DIP2C: variants seen among roughly 807,000 people sequenced by gnomAD.
DIP2C encodes DIP2 acetate--CoA ligase C (putative).
In DIP2C, 33 loss-of-function variants were observed where a neutral mutation model predicts 192.4. The observed-to-expected ratio is 0.17, with a 90% confidence interval of 0.13 to 0.23. DIP2C has a LOEUF of 0.23. Among genes scored for constraint, DIP2C ranks in the 10% least tolerant of loss-of-function variants. The pLI is 1.00. For synonymous variants in DIP2C, 979 were observed against 864.1 expected, an observed-to-expected ratio of 1.13 and a Z score of -2.33; for missense variants, 1,537 against 2,110.1, an observed-to-expected ratio of 0.73 and a Z score of 5.32.
chr10:404,583 C>T (rs1323001928), intron 9 of DIP2C, among the ~76,000 whole-genome samples: 1 of 152,174 alleles, frequency 6.6e-6, no homozygotes, highest in Non-Finnish European at 1.5e-5. Context: ...CAGTTTTAGA[C>T]AAACATCCTA....
intron 1 of DIP2C, among the ~76,000 whole-genome samples, chr10:487,362 T>C (rs1425559335): frequency 1.3e-5 from 2 of 152,134 alleles, no homozygotes; most frequent in African/African-American, 4.8e-5. Context: ...TGAAAAGTTA[T>C]CAAGGTACAC....
chr10:491,460 A>C (rs904868851), intron 1 of DIP2C, among the ~76,000 whole-genome samples: 1 of 152,302 alleles, frequency 6.6e-6, no homozygotes. Context: ...CTCGTTTTTA[A>C]ATCTCCGATA....
chr10:574,183 T>A (rs995462070), intron 1 of DIP2C, among the ~76,000 whole-genome samples: 1 of 152,250 alleles, frequency 6.6e-6, no homozygotes, highest in African/African-American at 2.4e-5. Context: ...TTGCTGCTTT[T>A]AGCAATAGGC....
chr10:335,548 T>A (rs1957719174), intron 29 of DIP2C, among the ~76,000 whole-genome samples: 1 of 152,226 alleles, frequency 6.6e-6, no homozygotes, highest in African/African-American at 2.4e-5. Context: ...TTTCCGTGAC[T>A]CTCACGACAC....
chr10:473,595 A>G (rs577809229), intron 2 of DIP2C, among the ~76,000 whole-genome samples: 1 of 151,736 alleles, frequency 6.6e-6, no homozygotes, highest in Non-Finnish European at 1.5e-5. Context: ...GATACCACAG[A>G]AAGGACGTCA....
At chr10:436,708 T>TC (rs1380102307) in intron 4 of DIP2C, among the ~76,000 whole-genome samples, 2 of 129,208 alleles carry the variant, frequency 1.5e-5, no homozygotes, top group Non-Finnish European at 3.2e-5. Context: ...GTGGCCATGC[T>TC]CCACCCACAC....
At chr10:401,975 A>G (rs111969714) in intron 9 of DIP2C, among the ~76,000 whole-genome samples, 372 of 127,348 alleles carry the variant, frequency 2.9e-3, no homozygotes, top group Middle Eastern at 5.8e-3. Flanking sequence ...CTCAGCACAT[A>G]AATCCTGTGA....
intron 17 of DIP2C, among the ~76,000 whole-genome samples, chr10:376,391 G>T (rs980696066): frequency 6.6e-6 from 1 of 152,078 alleles, no homozygotes; most frequent in African/African-American, 2.4e-5. Context: ...TCCCACACAC[G>T]ACGTTCCCTG....
chr10:571,483 C>T (rs1035808157), intron 1 of DIP2C, among the ~76,000 whole-genome samples: 3 of 151,772 alleles, frequency 2.0e-5, no homozygotes, highest in South Asian at 2.1e-4. Context: ...CTCCTTCACT[C>T]CCATTCTCCC....
chr10:368,336 T>C lies in DIP2C; in HGVS notation c.2131+1158A>G, dbSNP rs1960536037. 2.0e-5 allele frequency among the ~76,000 whole-genome samples: 3 copies of C among 152,244 alleles called. No individual in the cohort carries two copies. The South Asian group carries it at 6.2e-4, about 31-fold the overall frequency. Reference sequence around the variant, plus strand: ...TTTCATTGTGTCCTTCAGAACCTTTTGAAGATTTCACCATGCAGTTCCATT... The same window carrying C: ...TTTCATTGTGTCCTTCAGAACCTTTCGAAGATTTCACCATGCAGTTCCATT... On this transcript the variant is annotated intron_variant, in intron 18 of 36. Transcript: ENST00000280886.
chr10:320,495 C>G (rs574874967), intron 31 of DIP2C, among the ~76,000 whole-genome samples: 1 of 137,038 alleles, frequency 7.3e-6, no homozygotes, highest in East Asian at 2.1e-4. Context: ...ATGACAAGAG[C>G]AAGACTCCGT....
chr10:417,900 G>A (rs200349720), intron 6 of DIP2C, among the ~76,000 whole-genome samples: 5 of 63,426 alleles, frequency 7.9e-5, no homozygotes, highest in Non-Finnish European at 9.2e-5. Context: ...GTCAGGGCTC[G>A]GATAGGCCTC....
chr10:309,207 G>T (rs1956466839), intron 32 of DIP2C, among the ~76,000 whole-genome samples: 1 of 151,990 alleles, frequency 6.6e-6, no homozygotes, highest in Non-Finnish European at 1.5e-5. Context: ...GGTCCTCCTT[G>T]GCGGGCAGAG....
intron 1 of DIP2C, among the ~76,000 whole-genome samples, chr10:492,232 G>A (rs1844500110): frequency 6.6e-6 from 1 of 152,186 alleles, no homozygotes; most frequent in Non-Finnish European, 1.5e-5. Context: ...ATGCAAACGT[G>A]GTGAGCCTCT....
At chr10:658,899 T>C (rs755224118) in intron 1 of DIP2C, among the ~76,000 whole-genome samples, 14 of 152,220 alleles carry the variant, frequency 9.2e-5, no homozygotes, top group Non-Finnish European at 1.9e-4. Flanking sequence ...TCCAGGAACA[T>C]GGCCCTCCCA....
intron 1 of DIP2C, among the ~76,000 whole-genome samples, chr10:493,115 G>A (rs1267635057): frequency 6.6e-6 from 1 of 152,216 alleles, no homozygotes; most frequent in Non-Finnish European, 1.5e-5. Context: ...TGGCAAGACT[G>A]GGGGCTCTGC....
chr10:491,432 G>A (rs1342996438), intron 1 of DIP2C, among the ~76,000 whole-genome samples: 1 of 152,230 alleles, frequency 6.6e-6, no homozygotes, highest in Non-Finnish European at 1.5e-5. Context: ...AGGAGGCCCC[G>A]GAAGGCAAGG....
rs1185930986 is a variant in DIP2C at position 547,890 on chromosome 10, A to AC, written c.86-61361dup. 1.4e-3 allele frequency among the ~76,000 whole-genome samples: 209 copies of AC among 151,040 alleles called. 1 individual carries two copies. The highest frequency in any genetic ancestry group is 4.8e-3 in the African/African-American group (198 of 41,068). ...CCACCATCCCTGGGGAGCCCACACC[A>AC]CCCCACCCGCAGCTGCTGATGGCTT... On this transcript the variant is annotated intron_variant, in intron 1 of 36. Coordinates refer to ENST00000280886, the MANE Select transcript of DIP2C (RefSeq NM_014974.3).
intron 6 of DIP2C, among the ~76,000 whole-genome samples, chr10:417,261 C>T (rs1429200889): frequency 6.6e-6 from 1 of 152,098 alleles, no homozygotes; most frequent in African/African-American, 2.4e-5. Flanking sequence ...CCCAGAATCA[C>T]CCTCCCAGCA....
Sources: allele counts gnomAD v4.1 joint callset (sites outside exome capture counted in the v4.1 genomes callset), GRCh38; gene constraint gnomAD v4.1.1; transcripts MANE v1.5; gene names NCBI Gene and HGNC (gene_info 2026-07-23, HGNC 2026-07-21).